The following EPB41 variants were observed in gnomAD, a reference collection of about 807,000 sequenced individuals.
EPB41 encodes the protein erythrocyte membrane protein band 4.1, also known as protein 4.1.
A neutral mutation model predicts 108.0 loss-of-function variants in EPB41; 65 were observed. The ratio of observed to expected loss-of-function variants is 0.60; its 90% confidence interval spans 0.49 to 0.74. The LOEUF is 0.74. EPB41 is among the 30% of genes least tolerant of loss of function. The pLI is 0.00. For synonymous variants in EPB41, 336 were observed against 358.9 expected, an observed-to-expected ratio of 0.94 and a Z score of 0.72; for missense variants, 875 against 1,037.0, an observed-to-expected ratio of 0.84 and a Z score of 2.15.
chr1:28,977,128 C>T (rs112791674), intron 1 of EPB41, among the ~76,000 whole-genome samples: 64 of 152,282 alleles, frequency 4.2e-4, no homozygotes, highest in African/African-American at 1.5e-3. Flanking sequence ...GCTGGGATTA[C>T]AGGTGTGAGC....
intron 16 of EPB41, among the ~76,000 whole-genome samples, chr1:29,074,431 A>G (rs983677965): frequency 6.6e-5 from 10 of 152,202 alleles, no homozygotes; most frequent in South Asian, 4.1e-4. Flanking sequence ...TGTGGCATGT[A>G]GCATTACCAT....
At chr1:29,020,300 C>T (rs1478728196) in intron 7 of EPB41, among the ~76,000 whole-genome samples, 1 of 151,926 alleles carries the variant, frequency 6.6e-6, no homozygotes, top group African/African-American at 2.4e-5. Context: ...AACTTCTGAC[C>T]TCATGATCCA....
At chr1:28,957,655 T>C (rs2095016166) in intron 1 of EPB41, among the ~76,000 whole-genome samples, 1 of 152,214 alleles carries the variant, frequency 6.6e-6, no homozygotes, top group Non-Finnish European at 1.5e-5. Flanking sequence ...TCCACCCGCC[T>C]TGGCCTCCCA....
chr1:28,970,102 T>C (rs1408614701), intron 1 of EPB41, among the ~76,000 whole-genome samples: 1 of 152,224 alleles, frequency 6.6e-6, no homozygotes, highest in East Asian at 1.9e-4. Flanking sequence ...AGCGGATTAT[T>C]TGAAATATTC....
At chr1:29,010,884 G>A (rs558143259) in intron 4 of EPB41, among the ~76,000 whole-genome samples, 2 of 152,182 alleles carry the variant, frequency 1.3e-5, no homozygotes, top group East Asian at 1.9e-4. Flanking sequence ...AGGCCGAGCC[G>A]GGCAGATCAC....
intron 17 of EPB41, among the ~76,000 whole-genome samples, chr1:29,105,697 T>C (rs1666890173): frequency 6.6e-6 from 1 of 152,070 alleles, no homozygotes; most frequent in Admixed American, 6.6e-5. Flanking sequence ...TGAATTTCAG[T>C]TTGGGAAAAT....
In EPB41 at chr1:29,118,771, T is replaced by C. The variant is rs1241896566; in HGVS notation, c.*1959T>C. ...TTGTCCTATCTCAGGAACAAAATTA[T>C]AGGCTGTGGGCAGAGGGTCTGAAAG... is the stretch of plus-strand genomic sequence containing the variant. On this transcript the variant is annotated 3_prime_UTR_variant, in exon 21 of 21. Coordinates refer to ENST00000343067, the MANE Select transcript of EPB41 (RefSeq NM_001376013.1). 1 of 152,252 alleles carries C rather than the reference T, an allele frequency of 6.6e-6. No individual in the cohort carries two copies. The highest frequency in any genetic ancestry group is 1.5e-5 in the Non-Finnish European group (1 of 68,084). 9.4% of individuals were successfully genotyped at this position (152,252 alleles called of 1,614,324 possible).
intron 7 of EPB41, among the ~76,000 whole-genome samples, chr1:29,026,904 C>G (rs1006367864): frequency 3.4e-4 from 52 of 151,808 alleles, no homozygotes; most frequent in African/African-American, 9.7e-5. Context: ...TCAGCCTGGC[C>G]AATATGGTGA....
At chr1:28,977,118 G>T (rs2095624434) in intron 1 of EPB41, among the ~76,000 whole-genome samples, 1 of 152,138 alleles carries the variant, frequency 6.6e-6, no homozygotes, top group South Asian at 2.1e-4. Context: ...CTCCCAAAGT[G>T]CTGGGATTAC....
intron 1 of EPB41, among the ~76,000 whole-genome samples, chr1:28,975,705 A>C (rs2095587920): frequency 6.6e-6 from 1 of 152,122 alleles, no homozygotes; most frequent in African/African-American, 2.4e-5. Flanking sequence ...GCGGTGGCTC[A>C]CGCCTGTAAT....
At chr1:29,003,178 G>A (rs2096333728) in intron 4 of EPB41, among the ~76,000 whole-genome samples, 1 of 152,198 alleles carries the variant, frequency 6.6e-6, no homozygotes, top group Admixed American at 6.5e-5. Context: ...GAAGTACACA[G>A]ATATTTGTGA....
At chr1:28,927,413 C>T (rs891949805) in intron 1 of EPB41, among the ~76,000 whole-genome samples, 52 of 151,908 alleles carry the variant, frequency 3.4e-4, no homozygotes, top group African/African-American at 1.1e-3. Context: ...TTTTGTTGTT[C>T]GTGTTGGGTA....
intron 1 of EPB41, among the ~76,000 whole-genome samples, chr1:28,938,176 G>A (rs924637112): frequency 4.6e-5 from 7 of 152,172 alleles, no homozygotes; most frequent in African/African-American, 1.7e-4. Context: ...TGTTTTGGCT[G>A]TTCTGGCTAT....
chr1:29,028,410 AT>A (rs2096748764), intron 7 of EPB41, among the ~76,000 whole-genome samples: 1 of 152,230 alleles, frequency 6.6e-6, no homozygotes, highest in South Asian at 2.1e-4. Flanking sequence ...ATTCATGTCT[AT>A]AAAGCAGTTT....
Position 29,058,637 on chromosome 1 carries a change from C to G in EPB41, c.1894C>G (p.Gln632Glu), listed in dbSNP as rs1441018178. ...EVTVPTSNGD[Q>E]TQKLAEKTED... ...GACAGTACCCACCTCAAATGGTGACCAAACACAGGTTTGTGCCAATAGGCC... is the reference window on the plus strand; with the variant it reads ...GACAGTACCCACCTCAAATGGTGACGAAACACAGGTTTGTGCCAATAGGCC... Residue 632 changes from glutamine (Q) to glutamate (E), a missense_variant, in exon 13 of 21, where the codon CAA becomes GAA. By Grantham distance (29) the Gln-to-Glu change is conservative. Transcript: ENST00000343067. 7 of 1,613,486 alleles carry G rather than the reference C, an allele frequency of 4.3e-6. No individual in the cohort carries two copies. Among genetic ancestry groups the G allele is most frequent in the Non-Finnish European group, 5.9e-6 (7 of 1,179,776 alleles).
At chr1:29,114,893 C>T (rs972464820) in intron 19 of EPB41, among the ~76,000 whole-genome samples, 9 of 151,984 alleles carry the variant, frequency 5.9e-5, no homozygotes, top group African/African-American at 2.2e-4. Context: ...TGGCATATAA[C>T]AGTCCCTTGT....
intron 1 of EPB41, among the ~76,000 whole-genome samples, chr1:28,938,340 A>AT (rs916099387): frequency 6.6e-5 from 10 of 151,974 alleles, no homozygotes; most frequent in Non-Finnish European, 1.3e-4. Flanking sequence ...TGAACATGGG[A>AT]TTTTTTCCGC....
chr1:28,907,623 CTTTTTT>C (rs1368496039), intron 1 of EPB41, among the ~76,000 whole-genome samples: 2 of 151,310 alleles, frequency 1.3e-5, no homozygotes, highest in African/African-American at 2.4e-5. Flanking sequence ...CCTTTTTTTT[CTTTTTT>C]GAGACAGGGT....
At chr1:29,059,606 T>A in intron 14 of EPB41, among the ~76,000 whole-genome samples, 1 of 151,618 alleles carries the variant, frequency 6.6e-6, no homozygotes, top group Non-Finnish European at 1.5e-5. Flanking sequence ...GGAGACCCCA[T>A]CTCTTCAAAA....
Sources: gnomAD v4.1 joint callset for allele counts (sites outside exome capture counted in the v4.1 genomes callset) on GRCh38, gnomAD v4.1.1 for gene constraint, MANE v1.5 for transcripts, NCBI Gene and HGNC (gene_info 2026-07-23, HGNC 2026-07-21) for gene names.